HECW1: variants seen among roughly 807,000 people sequenced by gnomAD.
HECW1 encodes E3 ubiquitin-protein ligase HECW1.
Under a neutral mutation model 182.3 loss-of-function variants are expected in HECW1, and 61 were observed. The ratio of observed to expected loss-of-function variants is 0.33; its 90% CI spans 0.27 to 0.41. The LOEUF is 0.41. Ranked by LOEUF, HECW1 falls within the 10% of genes least tolerant of loss-of-function variation. The pLI is 1.00. For missense variants in HECW1, 1,739 were observed against 2,108.9 expected (o/e 0.82, Z 3.44); for synonymous variants, 859 against 832.6 (o/e 1.03, Z -0.55).
intron 3 of HECW1, among the ~76,000 whole-genome samples, chr7:43,304,732 G>A (rs1038210447): frequency 6.6e-6 from 1 of 152,192 alleles, no homozygotes; most frequent in Non-Finnish European, 1.5e-5. Flanking sequence ...GGCCTCAGGT[G>A]ATATGCCCGC....
chr7:43,340,814 T>TAA (rs1439384652), intron 5 of HECW1, among the ~76,000 whole-genome samples: 1 of 151,716 alleles, frequency 6.6e-6, no homozygotes, highest in Non-Finnish European at 1.5e-5. Flanking sequence ...ACTGGGTATA[T>TAA]ACCCAAAGGA....
chr7:43,137,699 G>A (rs1333735850), intron 2 of HECW1, among the ~76,000 whole-genome samples: 1 of 151,932 alleles, frequency 6.6e-6, no homozygotes, highest in Non-Finnish European at 1.5e-5. Context: ...ACAGGCATGT[G>A]CCACCACGCC....
intron 2 of HECW1, among the ~76,000 whole-genome samples, chr7:43,169,021 G>A (rs927649730): frequency 5.3e-5 from 8 of 152,168 alleles, no homozygotes; most frequent in Non-Finnish European, 1.0e-4. Flanking sequence ...TTTACCTGTA[G>A]TATTTAAATT....
intron 23 of HECW1, 41 bp from the exon 24 acceptor site, chr7:43,508,928 G>A (rs552346968): frequency 4.7e-5 from 75 of 1,605,222 alleles, no homozygotes; most frequent in South Asian, 2.0e-4. Flanking sequence ...CCCCACCTCC[G>A]GGCACAGAAT....
At chr7:43,187,388 C>T (rs187302694) in intron 2 of HECW1, among the ~76,000 whole-genome samples, 20 of 152,206 alleles carry the variant, frequency 1.3e-4, no homozygotes, top group South Asian at 4.1e-4. Context: ...AATCTGTGGA[C>T]GTATTTTGAA....
chr7:43,501,361 C>A, intron 21 of HECW1, 39 bp downstream of exon 21: 1 of 1,162,722 alleles, frequency 8.6e-7, no homozygotes, highest in South Asian at 1.3e-5. Context: ...GTTAAGTGGC[C>A]ACGTGTGTTT....
rs761695963 is a variant in HECW1, at chr7:43,463,816, CCCCACAA to C, written c.2791+20_2791+26del. The C allele has an allele frequency of 1.1e-5, 18 of 1,612,092 alleles. No homozygotes were observed. Among genetic ancestry groups the C allele is most frequent in the Non-Finnish European group, 1.4e-5 (16 of 1,178,994 alleles). Reference sequence around the variant, plus strand: ...CCAGCTTAGGTATTGGAGGAGGGGTCCCCACAACCTGTGATGGCTTTCAGGGGCTGTG... The same window carrying C: ...CCAGCTTAGGTATTGGAGGAGGGGTCCCTGTGATGGCTTTCAGGGGCTGTG... On this transcript the variant is annotated intron_variant, in intron 14 of 29. Transcript: ENST00000395891.
intron 2 of HECW1, among the ~76,000 whole-genome samples, chr7:43,171,589 A>C (rs1791697183): frequency 6.6e-6 from 1 of 152,198 alleles, no homozygotes; most frequent in Non-Finnish European, 1.5e-5. Flanking sequence ...TCAATACAAT[A>C]GGTTTTAACA....
chr7:43,220,623 G>C (rs1796862794), intron 2 of HECW1, among the ~76,000 whole-genome samples: 1 of 152,168 alleles, frequency 6.6e-6, no homozygotes, highest in South Asian at 2.1e-4. Flanking sequence ...GAAATTCTAA[G>C]GATTTAGAGG....
At position 43,479,654 on chromosome 7, in the gene HECW1, C is replaced by G; in HGVS notation, c.3144C>G (p.Asp1048Glu). The G allele has an allele frequency of 1.2e-6, 2 of 1,614,018 alleles. No individual in the cohort carries two copies. Among genetic ancestry groups the G allele is most frequent in the Non-Finnish European group, 8.5e-7 (1 of 1,179,954 alleles). ...DHNSRATTFI[D>E]PRIPLQNGRL... ...ACAGTCGAGCTACCACTTTCATTGA[C>G]CCCCGAATCCCTCTTCAGAACGGTC... Residue 1048 changes from aspartate to glutamate, a missense_variant, in exon 17 of 30, where the codon GAC becomes GAG. By Grantham distance (45) the Asp-to-Glu change is conservative. Coordinates refer to ENST00000395891, the MANE Select transcript of HECW1 (RefSeq NM_015052.5).
chr7:43,456,520 TAC>T (rs2077409204), intron 13 of HECW1, 73 bp downstream of exon 13: 2 of 1,455,900 alleles, frequency 1.4e-6, no homozygotes, highest in South Asian at 2.6e-5. Context: ...ACGCTCCCCT[TAC>T]ACTTTTCTGC....
At chr7:43,208,635 T>C (rs1320911125) in intron 2 of HECW1, among the ~76,000 whole-genome samples, 1 of 152,240 alleles carries the variant, frequency 6.6e-6, no homozygotes, top group Admixed American at 6.5e-5. Context: ...AGCAAATGTG[T>C]GTCTTTTTAC....
intron 2 of HECW1, among the ~76,000 whole-genome samples, chr7:43,157,490 T>C (rs1790012151): frequency 6.6e-6 from 1 of 152,222 alleles, no homozygotes; most frequent in African/African-American, 2.4e-5. Flanking sequence ...GAATAATAAA[T>C]TACTGTGTGA....
intron 2 of HECW1, among the ~76,000 whole-genome samples, chr7:43,141,066 ATT>A (rs2152632578): frequency 6.6e-6 from 1 of 152,262 alleles, no homozygotes; most frequent in East Asian, 1.9e-4. Context: ...CAACAGGTGA[ATT>A]GTGGGGAGAC....
At chr7:43,540,957 G>A (rs73693020) in intron 24 of HECW1, among the ~76,000 whole-genome samples, 1 of 152,152 alleles carries the variant, frequency 6.6e-6, no homozygotes, top group Non-Finnish European at 1.5e-5. Flanking sequence ...GGAAGAGGAG[G>A]CTTCCTTTAG....
intron 2 of HECW1, among the ~76,000 whole-genome samples, chr7:43,120,939 A>G (rs998457164): frequency 2.0e-5 from 3 of 152,144 alleles, no homozygotes; most frequent in Admixed American, 6.5e-5. Context: ...GGTGTGAGCC[A>G]CCACGCCTGG....
At chr7:43,203,974 G>T (rs557391709) in intron 2 of HECW1, among the ~76,000 whole-genome samples, 1 of 152,184 alleles carries the variant, frequency 6.6e-6, no homozygotes, top group South Asian at 2.1e-4. Flanking sequence ...ATTATAAATG[G>T]ACTCTTTTTG....
At chr7:43,170,060 G>T (rs555691005) in intron 2 of HECW1, among the ~76,000 whole-genome samples, 19 of 152,300 alleles carry the variant, frequency 1.2e-4, no homozygotes, top group South Asian at 1.0e-3. Flanking sequence ...GCCATGGCCT[G>T]TTGGGAACTG....
intron 3 of HECW1, among the ~76,000 whole-genome samples, chr7:43,271,969 CA>C (rs1802458608): frequency 6.6e-6 from 1 of 151,924 alleles, no homozygotes; most frequent in Admixed American, 6.6e-5. Context: ...CTACAGTAAC[CA>C]AAACAGCACA....
Sources: gnomAD v4.1 joint callset for allele counts (sites outside exome capture counted in the v4.1 genomes callset) on GRCh38, gnomAD v4.1.1 for gene constraint, MANE v1.5 for transcripts, NCBI Gene and HGNC (gene_info 2026-07-23, HGNC 2026-07-21) for gene names.